Variants in CACHD1 observed in about 807,000 individuals in gnomAD.
CACHD1 encodes the protein VWFA and cache domain-containing protein 1.
Under a neutral mutation model 138.7 loss-of-function variants are expected in CACHD1, and 71 were observed. That is an observed-to-expected ratio of 0.51 (90% CI 0.42 to 0.62). The LOEUF is 0.62. Ranked by LOEUF, CACHD1 falls within the 20% of genes least tolerant of loss-of-function variation. The pLI is 0.00. For missense variants in CACHD1, 1,389 were observed against 1,625.3 expected (o/e 0.85, Z 2.50); for synonymous variants, 578 against 591.5 (o/e 0.98, Z 0.33).
intron 1 of CACHD1, among the ~76,000 whole-genome samples, chr1:64,536,895 T>A (rs1646636877): frequency 6.6e-6 from 1 of 152,162 alleles, no homozygotes; most frequent in Non-Finnish European, 1.5e-5. Context: ...CTATTCTGTC[T>A]CTGTGGGGTT....
intron 3 of CACHD1, among the ~76,000 whole-genome samples, chr1:64,586,608 G>A (rs955038840): frequency 2.6e-5 from 4 of 152,118 alleles, no homozygotes; most frequent in African/African-American, 9.7e-5. Context: ...TCAGTGAGAT[G>A]AGGATAATGA....
intron 5 of CACHD1, among the ~76,000 whole-genome samples, chr1:64,632,268 A>T (rs1406477689): frequency 6.6e-6 from 1 of 151,580 alleles, no homozygotes; most frequent in African/African-American, 2.4e-5. Context: ...AAAAAAAAAA[A>T]AAAAAAAAAA....
intron 4 of CACHD1, among the ~76,000 whole-genome samples, chr1:64,625,322 A>AGGGATGAGAAATTACCTAGTG (rs1648057357): frequency 6.6e-6 from 1 of 152,134 alleles, no homozygotes; most frequent in East Asian, 1.9e-4. Flanking sequence ...AGGCGGAGTG[A>AGGGATGAGAAATTACCTAGTG]GGGATGAGAA....
At chr1:64,570,866 G>A (rs71645595) in intron 2 of CACHD1, among the ~76,000 whole-genome samples, 27 of 151,810 alleles carry the variant, frequency 1.8e-4, no homozygotes, top group African/African-American at 6.5e-4. Context: ...GTTGTGGGGG[G>A]CGGGCGGGGG....
intron 4 of CACHD1, among the ~76,000 whole-genome samples, chr1:64,626,719 A>G (rs1648113432): frequency 6.6e-6 from 1 of 152,184 alleles, no homozygotes; most frequent in South Asian, 2.1e-4. Flanking sequence ...ACTTTGTAGA[A>G]GGCGCCTAGC....
chr1:64,577,461 G>T (rs1022645717), intron 2 of CACHD1, among the ~76,000 whole-genome samples: 4 of 152,150 alleles, frequency 2.6e-5, no homozygotes, highest in African/African-American at 9.7e-5. Context: ...TGGGGAGAGG[G>T]TTGATCTCCA....
intron 1 of CACHD1, among the ~76,000 whole-genome samples, chr1:64,538,383 TA>T (rs1442312567): frequency 6.6e-6 from 1 of 152,226 alleles, no homozygotes; most frequent in African/African-American, 2.4e-5. Context: ...TTAAACAATT[TA>T]AGTCAGCAAA....
At chr1:64,567,712 T>G (rs1646893600) in intron 2 of CACHD1, among the ~76,000 whole-genome samples, 2 of 152,242 alleles carry the variant, frequency 1.3e-5, no homozygotes, top group East Asian at 3.8e-4. Context: ...TCATACTTTT[T>G]CTGCTGCAAA....
intron 1 of CACHD1, among the ~76,000 whole-genome samples, chr1:64,543,887 T>TTG (rs1369237028): frequency 2.0e-5 from 3 of 149,826 alleles, no homozygotes; most frequent in African/African-American, 7.4e-5. Flanking sequence ...TTTTTTTTTT[T>TTG]TTGGTAGAAA....
intron 2 of CACHD1, among the ~76,000 whole-genome samples, chr1:64,573,057 C>G (rs1038182294): frequency 1.3e-5 from 2 of 152,178 alleles, no homozygotes; most frequent in African/African-American, 2.4e-5. Context: ...TATCAGTATA[C>G]CTTTCTGAAC....
chr1:64,577,195 C>T (rs951922496), intron 2 of CACHD1, among the ~76,000 whole-genome samples: 3 of 152,130 alleles, frequency 2.0e-5, no homozygotes, highest in African/African-American at 7.2e-5. Context: ...ATCCACCTGC[C>T]TCAGCCTCCC....
chr1:64,473,005 G>A (rs376920870), intron 1 of CACHD1, among the ~76,000 whole-genome samples: 1 of 152,270 alleles, frequency 6.6e-6, no homozygotes, highest in African/African-American at 2.4e-5. Context: ...CTAAGCAAAT[G>A]TAGTTTTAAA....
Position 64,673,219 on chromosome 1 carries a change from G to A in CACHD1, c.2572G>A (p.Gly858Arg), listed in dbSNP as rs1649875607. 2 of 1,613,908 alleles carry A rather than the reference G, an allele frequency of 1.2e-6. No individual in the cohort carries two copies. The highest frequency in any genetic ancestry group is 1.7e-5 in the Admixed American group (1 of 59,972). The change falls in exon 18 of 27, where the codon GGA becomes AGA. Residue 858 changes from glycine (G) to arginine (R), a missense_variant. Gly to Arg is a moderately radical substitution (Grantham distance 125). Transcript: ENST00000651257. The part of the protein sequence containing the change: ...VAHPTLIDPK[G>R]HAPVEQQHIT... ...GCACCCGACTCTCATCGACCCCAAA[G>A]GACATGCACCTGTGGAGCAGCAGCA... is the stretch of plus-strand genomic sequence containing the variant.
chr1:64,560,475 G>A (rs1646830467), intron 2 of CACHD1, among the ~76,000 whole-genome samples: 1 of 151,842 alleles, frequency 6.6e-6, no homozygotes, highest in African/African-American at 2.4e-5. Flanking sequence ...GGATTTTTAA[G>A]TATTTTGTTC....
chr1:64,632,019 C>G (rs891150519), intron 5 of CACHD1, among the ~76,000 whole-genome samples: 1 of 151,990 alleles, frequency 6.6e-6, no homozygotes, highest in Admixed American at 6.6e-5. Flanking sequence ...CACTTCTAAC[C>G]AAGCCCCACT....
At chr1:64,622,233 C>G (rs1437764521) in intron 4 of CACHD1, among the ~76,000 whole-genome samples, 1 of 152,138 alleles carries the variant, frequency 6.6e-6, no homozygotes, top group Non-Finnish European at 1.5e-5. Flanking sequence ...TATATAAAAA[C>G]CCCATCTCTT....
intron 17 of CACHD1, among the ~76,000 whole-genome samples, chr1:64,672,041 A>C (rs1458206860): frequency 2.6e-5 from 4 of 152,174 alleles, no homozygotes; most frequent in Non-Finnish European, 5.9e-5. Flanking sequence ...CTTTGTCATT[A>C]AACCAAAGTC....
chr1:64,590,573 A>G (rs956367735), intron 3 of CACHD1, among the ~76,000 whole-genome samples: 1 of 152,214 alleles, frequency 6.6e-6, no homozygotes, highest in Non-Finnish European at 1.5e-5. Context: ...CATAATGTTC[A>G]GATTCCTGTA....
intron 1 of CACHD1, among the ~76,000 whole-genome samples, chr1:64,509,261 AC>A (rs548303168): frequency 3.6e-4 from 55 of 152,178 alleles, no homozygotes; most frequent in African/African-American, 1.3e-3. Flanking sequence ...TGCCTGTGTT[AC>A]CCGCCCCTTG....
Sources: gnomAD v4.1 joint callset for allele counts (sites outside exome capture counted in the v4.1 genomes callset) on GRCh38, gnomAD v4.1.1 for gene constraint, MANE v1.5 for transcripts, NCBI Gene and HGNC (gene_info 2026-07-23, HGNC 2026-07-21) for gene names.